AFF1: variants seen among roughly 807,000 people sequenced by gnomAD.
AFF1 encodes the protein AF4/FMR2 family member 1.
Under a neutral mutation model 121.7 loss-of-function variants are expected in AFF1, and 48 were observed. That is an observed-to-expected ratio of 0.39 (90% CI 0.31 to 0.50). The LOEUF is 0.50. Ranked by LOEUF, AFF1 falls within the 20% of genes least tolerant of loss-of-function variation. The probability of loss-of-function intolerance (pLI) is 0.76; values close to 1 mark genes in which losing one functional copy is unlikely to be tolerated. For missense variants in AFF1, 1,523 were observed against 1,511.7 expected (o/e 1.01, Z -0.12); for synonymous variants, 613 against 563.0 (o/e 1.09, Z -1.26).
At chr4:87,091,772 A>C in intron 6 of AFF1, 21 bp from the exon 7 acceptor site, 1 of 1,469,998 alleles carries the variant, frequency 6.8e-7, no homozygotes. Flanking sequence ...TAATAATTAG[A>C]TATTTTTATT....
chr4:87,087,201 T>C, intron 5 of AFF1, among the ~76,000 whole-genome samples: 1 of 152,256 alleles, frequency 6.6e-6, no homozygotes, highest in East Asian at 1.9e-4. Context: ...ATTTATATGT[T>C]CATTTGTTTA....
At chr4:87,006,949 G>C in intron 2 of AFF1, 2 of 1,028,770 alleles carry the variant, frequency 1.9e-6, no homozygotes, top group Non-Finnish European at 2.3e-6. Context: ...TTGACAGGGG[G>C]TATCCCGGCG....
intron 2 of AFF1, among the ~76,000 whole-genome samples, chr4:87,002,894 T>C (rs1292095550): frequency 6.6e-6 from 1 of 152,202 alleles, no homozygotes; most frequent in African/African-American, 2.4e-5. Context: ...GTCCTCAAAT[T>C]TCATCAGAAA....
At chr4:86,951,820 TGG>T (rs1721365565) in intron 2 of AFF1, among the ~76,000 whole-genome samples, 1 of 151,994 alleles carries the variant, frequency 6.6e-6, no homozygotes, top group African/African-American at 2.4e-5. Context: ...TTCACCATGT[TGG>T]CCAGGATGGT....
intron 4 of AFF1, among the ~76,000 whole-genome samples, chr4:87,073,659 T>C (rs1446181828): frequency 1.3e-5 from 2 of 152,220 alleles, no homozygotes; most frequent in Non-Finnish European, 2.9e-5. Flanking sequence ...ATCTGACTCA[T>C]ATGACTGCAG....
chr4:87,034,236 G>A (rs1729344892), intron 2 of AFF1, among the ~76,000 whole-genome samples: 2 of 152,212 alleles, frequency 1.3e-5, no homozygotes, highest in Non-Finnish European at 2.9e-5. Flanking sequence ...GGCATGAAAA[G>A]GCAGCCAGTC....
chr4:87,030,393 T>C (rs1410207167), intron 2 of AFF1, among the ~76,000 whole-genome samples: 1 of 152,236 alleles, frequency 6.6e-6, no homozygotes, highest in Non-Finnish European at 1.5e-5. Context: ...CCATGAGCCA[T>C]AGTTTGCCAA....
chr4:87,127,454 C>T (rs890102838), intron 15 of AFF1, among the ~76,000 whole-genome samples, 189 bp from the exon 16 acceptor site: 10 of 152,150 alleles, frequency 6.6e-5, no homozygotes, highest in East Asian at 1.9e-4. Context: ...TGAGCCACTG[C>T]ACCCAGCCAC....
In AFF1 at chr4:87,140,256, T is replaced by C. The variant is rs1729612102; in HGVS notation, c.*4555T>C. The stretch of plus-strand genomic sequence containing the variant: ...TAAGCAATGCTTAACACAGGCAGCA[T>C]TCACCTTTGTTCAGGCCATCGACAT... On this transcript the variant is annotated 3_prime_UTR_variant, in exon 21 of 21. Coordinates refer to ENST00000395146, the MANE Select transcript of AFF1 (RefSeq NM_001166693.3). The C allele has an allele frequency of 1.0e-5, 2 of 194,280 alleles. No homozygotes were observed. Among genetic ancestry groups the C allele is most frequent in the Admixed American group, 1.2e-4 (2 of 16,424 alleles). 12.0% of individuals were successfully genotyped at this position (194,280 alleles called of 1,614,324 possible). A position where few individuals can be genotyped will look rare whatever the true frequency, so the allele number is the denominator to read the frequency against.
At chr4:87,105,768 T>G in intron 9 of AFF1, 40 bp from the exon 10 acceptor site, 2 of 1,614,104 alleles carry the variant, frequency 1.2e-6, no homozygotes, top group Non-Finnish European at 1.7e-6. Context: ...TGTTTTTTGT[T>G]CTTTTCCTGG....
At position 87,134,669 on chromosome 4, in the gene AFF1, C is replaced by G. The variant is rs1176970503; in HGVS notation, c.3510C>G (p.Ala1170=). The change falls in exon 20 of 21, where the codon GCC becomes GCG. Residue 1170 remains alanine (A), a synonymous_variant. Coordinates refer to ENST00000395146, the MANE Select transcript of AFF1 (RefSeq NM_001166693.3). The part of the protein sequence containing the change: ...VLTAFDLWEQ[A]EALTRKNKEF... ...CCGCCTTTGACCTTTGGGAACAGGC[C>G]GAGGCCCTCACGAGGAAGAATAAAG... The G allele has an allele frequency of 2.5e-6, 4 of 1,613,662 alleles. No homozygotes were observed. In the East Asian group the frequency reaches 8.9e-5, roughly 36 times the overall value.
intron 11 of AFF1, among the ~76,000 whole-genome samples, chr4:87,111,198 T>C (rs915588473): frequency 1.2e-5 from 1 of 84,206 alleles, no homozygotes; most frequent in African/African-American, 4.0e-5. Flanking sequence ...TTTTTTTTTT[T>C]AGTAGAGACG....
rs754301962 is a variant in AFF1 at position 87,114,918 on chromosome 4, CGCGAAGGACAAT to C, written c.2087_2098del (p.Ala696_Asn699del). On this transcript the variant is annotated inframe_deletion, in exon 12 of 21. Coordinates refer to ENST00000395146, the MANE Select transcript of AFF1 (RefSeq NM_001166693.3). ...CTAAGGCTCTCTCAGGCCCAGAACC[CGCGAAGGACAAT>C]GTGGAGGACAGGACCCCTGAGCACT... 1.2e-5 allele frequency: 19 copies of C among 1,612,304 alleles called. No homozygotes were observed. Among genetic ancestry groups the C allele is most frequent in the Admixed American group, 5.0e-5 (3 of 59,692 alleles).
At chr4:87,089,954 T>C in intron 5 of AFF1, 30 bp from the exon 6 acceptor site, 1 of 1,565,516 alleles carries the variant, frequency 6.4e-7, no homozygotes, top group Non-Finnish European at 8.8e-7. Flanking sequence ...TATAATTTAC[T>C]TTTTCTTCCC....
chr4:87,024,141 TGGCAAGTGAC>T (rs1248241736), intron 2 of AFF1, among the ~76,000 whole-genome samples: 3 of 152,156 alleles, frequency 2.0e-5, no homozygotes, highest in African/African-American at 7.2e-5. Context: ...CTGAGGCTCA[TGGCAAGTGAC>T]GGCTGATACA....
chr4:86,954,757 C>G (rs181299340), intron 2 of AFF1, among the ~76,000 whole-genome samples: 7 of 152,206 alleles, frequency 4.6e-5, no homozygotes, highest in African/African-American at 1.7e-4. Flanking sequence ...AATGTATTTA[C>G]TGTTCATTAA....
Position 87,047,493 on chromosome 4 carries a change from C to T in AFF1, c.958C>T (p.Leu320=). ...TAGTGAATCCCCTGAACTGAAACCA[C>T]TGCCGGAGGACTATCGACAGCAGAC... ...APSESPELKP[L]PEDYRQQTFE... Residue 320 remains leucine (L), a synonymous_variant, in exon 4 of 21, where the codon CTG becomes TTG. Coordinates refer to ENST00000395146, the MANE Select transcript of AFF1 (RefSeq NM_001166693.3). 6 of 1,614,204 alleles carry T rather than the reference C, an allele frequency of 3.7e-6. No homozygotes were observed. Among genetic ancestry groups the T allele is most frequent in the Non-Finnish European group, 5.1e-6 (6 of 1,180,044 alleles).
intron 8 of AFF1, among the ~76,000 whole-genome samples, chr4:87,096,849 T>C (rs1368975356): frequency 6.6e-6 from 1 of 152,180 alleles, no homozygotes; most frequent in Non-Finnish European, 1.5e-5. Flanking sequence ...GCTCAAGTGA[T>C]CCTCCTGCCG....
At position 87,115,081 on chromosome 4, in the gene AFF1, T is replaced by C. The variant is rs143127322; in HGVS notation, c.2248T>C (p.Leu750=). The change falls in exon 12 of 21, where the codon TTG becomes CTG. Residue 750 remains leucine (L), a synonymous_variant. Coordinates refer to ENST00000395146, the MANE Select transcript of AFF1 (RefSeq NM_001166693.3). ...DSRKDRLPLP[L]RDTKLLSPLR... ...CCGCAAAGACAGACTCCCATTGCCT[T>C]TGAGAGACACCAAGCTGCTCTCACC... 83 of 1,614,060 alleles carry C rather than the reference T, an allele frequency of 5.1e-5. No homozygotes were observed. In the African/African-American group the frequency reaches 9.3e-4, roughly 18 times the overall value.
Sources: allele counts gnomAD v4.1 joint callset (sites outside exome capture counted in the v4.1 genomes callset), GRCh38; gene constraint gnomAD v4.1.1; transcripts MANE v1.5; gene names NCBI Gene and HGNC (gene_info 2026-07-23, HGNC 2026-07-21).